The following GLRA3 variants were observed in gnomAD, a reference collection of about 807,000 sequenced individuals.
The protein encoded by GLRA3 is glycine receptor subunit alpha-3.
A neutral mutation model predicts 60.4 loss-of-function variants in GLRA3; 44 were observed. That is an observed-to-expected ratio of 0.73 (90% confidence interval 0.57 to 0.94). The LOEUF (loss-of-function observed/expected upper bound fraction) is 0.94. Among genes scored for constraint, GLRA3 ranks in the 40% least tolerant of loss-of-function variants. GLRA3 has a pLI of 0.00. For missense variants in GLRA3, 508 were observed against 564.6 expected (o/e 0.90, Z 1.02); for synonymous variants, 223 against 192.9 (o/e 1.16, Z -1.29).
In GLRA3 at chr4:174,641,788, A is replaced by C. The variant is rs1374284404; in HGVS notation, c.*1998T>G. On this transcript the variant is annotated 3_prime_UTR_variant, in exon 10 of 10. Transcript: ENST00000274093. ...GCAATGTTGGGAAACTTTTGAAATA[A>C]GATGTGGAAAGTATAGAAAAACGTA... The C allele has an allele frequency of 6.6e-6, 1 of 152,064 alleles. No homozygotes were observed. Among genetic ancestry groups the C allele is most frequent in the Non-Finnish European group, 1.5e-5 (1 of 67,924 alleles). 9.4% of individuals were successfully genotyped at this position (152,064 alleles called of 1,614,324 possible). A position where few individuals can be genotyped will look rare whatever the true frequency, so the allele number is the denominator to read the frequency against.
At chr4:174,761,543 T>A (rs1358415916) in intron 3 of GLRA3, among the ~76,000 whole-genome samples, 1 of 152,176 alleles carries the variant, frequency 6.6e-6, no homozygotes, top group African/African-American at 2.4e-5. Context: ...AAATGGTTTA[T>A]TTTATGGGCA....
At chr4:174,785,848 T>C (rs1310034919) in intron 2 of GLRA3, among the ~76,000 whole-genome samples, 2 of 151,744 alleles carry the variant, frequency 1.3e-5, no homozygotes, top group Non-Finnish European at 2.9e-5. Flanking sequence ...TAGCTCACTG[T>C]AACCTCAAAC....
In GLRA3 at chr4:174,643,758, C is replaced by CCATTTG; in HGVS notation, c.*22_*27dup. 1 of 1,600,834 alleles carries CCATTTG rather than the reference C, an allele frequency of 6.2e-7. No individual in the cohort carries two copies. The highest frequency in any genetic ancestry group is 1.1e-5 in the South Asian group (1 of 89,544). The stretch of plus-strand genomic sequence containing the variant: ...GCAGAGACACTTTCTTCTGAATTGA[C>CCATTTG]CATTTGCATTTGCATGCCCCCAGAG... On this transcript the variant is annotated 3_prime_UTR_variant, in exon 10 of 10. Coordinates refer to ENST00000274093, the MANE Select transcript of GLRA3 (RefSeq NM_006529.4).
chr4:174,655,544 G>A (rs1192574747), intron 9 of GLRA3, among the ~76,000 whole-genome samples: 3 of 152,008 alleles, frequency 2.0e-5, no homozygotes, highest in Non-Finnish European at 4.4e-5. Context: ...AACATTAACT[G>A]TTTAGCTACT....
At chr4:174,817,906 C>T (rs1740573476) in intron 1 of GLRA3, among the ~76,000 whole-genome samples, 1 of 152,110 alleles carries the variant, frequency 6.6e-6, no homozygotes, top group Admixed American at 6.6e-5. Flanking sequence ...TGCGCCTGAC[C>T]AAGGTTACCA....
intron 2 of GLRA3, among the ~76,000 whole-genome samples, chr4:174,767,649 C>G (rs1330012709): frequency 6.6e-6 from 1 of 152,012 alleles, no homozygotes; most frequent in Non-Finnish European, 1.5e-5. Flanking sequence ...TCTTTAAAGC[C>G]TTGAGCCAAT....
At chr4:174,721,720 A>G (rs1333266073) in intron 4 of GLRA3, among the ~76,000 whole-genome samples, 1 of 151,592 alleles carries the variant, frequency 6.6e-6, no homozygotes, top group Non-Finnish European at 1.5e-5. Flanking sequence ...TATCTAAGAC[A>G]GATATAAATG....
At chr4:174,728,371 T>C (rs1736400297) in intron 4 of GLRA3, 104 bp downstream of exon 4, 4 of 647,112 alleles carry the variant, frequency 6.2e-6, no homozygotes, top group Non-Finnish European at 1.1e-5. Flanking sequence ...GCAACAATGA[T>C]AGCACTTGTT....
At chr4:174,719,100 A>G (rs1229036671) in intron 4 of GLRA3, among the ~76,000 whole-genome samples, 4 of 150,294 alleles carry the variant, frequency 2.7e-5, no homozygotes, top group Non-Finnish European at 5.9e-5. Context: ...AGTAGCTGGG[A>G]CTACAGGCGC....
intron 3 of GLRA3, among the ~76,000 whole-genome samples, chr4:174,755,089 T>G (rs1244923785): frequency 6.6e-6 from 1 of 152,056 alleles, no homozygotes; most frequent in African/African-American, 2.4e-5. Flanking sequence ...TTTATGACAA[T>G]GATCAGGACT....
intron 7 of GLRA3, among the ~76,000 whole-genome samples, chr4:174,667,111 G>T (rs1307235922): frequency 2.0e-5 from 3 of 152,050 alleles, no homozygotes; most frequent in Non-Finnish European, 4.4e-5. Flanking sequence ...AAACCAAGTC[G>T]CTGGTGGTTC....
intron 3 of GLRA3, among the ~76,000 whole-genome samples, chr4:174,752,183 A>G (rs901796278): frequency 1.3e-5 from 2 of 152,170 alleles, no homozygotes; most frequent in African/African-American, 2.4e-5. Flanking sequence ...CTTGAGATGC[A>G]TATATAACAA....
chr4:174,828,800 C>A lies in GLRA3; in HGVS notation c.12G>T (p.Val4=), dbSNP rs1005712355. The A allele has an allele frequency of 1.2e-6, 2 of 1,609,264 alleles. No individual in the cohort carries two copies. The highest frequency in any genetic ancestry group is 1.7e-6 in the Non-Finnish European group (2 of 1,175,602). MAH[V]RHFRTLVSGF... ...CCGAAACTAATGTCCGAAAGTGTCT[C>A]ACGTGGGCCATGATACGGAGAGATA... is the stretch of plus-strand genomic sequence containing the variant. The change falls in exon 1 of 10, where the codon GTG becomes GTT. Residue 4 remains valine (V), a synonymous_variant. Coordinates refer to ENST00000274093, the MANE Select transcript of GLRA3 (RefSeq NM_006529.4).
At chr4:174,646,601 C>T (rs1483051511) in intron 9 of GLRA3, among the ~76,000 whole-genome samples, 1 of 152,062 alleles carries the variant, frequency 6.6e-6, no homozygotes, top group African/African-American at 2.4e-5. Context: ...GCTGTGATTC[C>T]CTGTGTGAAG....
intron 3 of GLRA3, among the ~76,000 whole-genome samples, chr4:174,742,447 A>G (rs1279928076): frequency 6.6e-6 from 1 of 152,176 alleles, no homozygotes; most frequent in Admixed American, 6.5e-5. Context: ...AAGTAATAAG[A>G]AAGAGAAACT....
chr4:174,667,327 G>A (rs75700868), intron 7 of GLRA3, among the ~76,000 whole-genome samples: 6,389 of 152,092 alleles, frequency 0.042, 452 homozygotes, highest in African/African-American at 0.15. Context: ...ATTTCTATTT[G>A]TCCTTCTGAA....
intron 9 of GLRA3, among the ~76,000 whole-genome samples, chr4:174,653,393 A>G (rs1161488929): frequency 6.6e-6 from 1 of 151,988 alleles, no homozygotes; most frequent in Non-Finnish European, 1.5e-5. Context: ...TAATGCAATT[A>G]TAGATGAGGT....
At chr4:174,719,154 G>A (rs1736045474) in intron 4 of GLRA3, among the ~76,000 whole-genome samples, 1 of 150,756 alleles carries the variant, frequency 6.6e-6, no homozygotes, top group African/African-American at 2.4e-5. Flanking sequence ...TAGTAGAGAC[G>A]GGGTTTCACC....
intron 5 of GLRA3, among the ~76,000 whole-genome samples, chr4:174,699,051 G>T (rs1735192884): frequency 6.7e-6 from 1 of 150,328 alleles, no homozygotes; most frequent in South Asian, 2.1e-4. Context: ...GGGCTGGAGT[G>T]CAGTGGTGTG....
Sources: gnomAD v4.1 joint callset for allele counts (sites outside exome capture counted in the v4.1 genomes callset) on GRCh38, gnomAD v4.1.1 for gene constraint, MANE v1.5 for transcripts, NCBI Gene and HGNC (gene_info 2026-07-23, HGNC 2026-07-21) for gene names.